ESF1: variants seen among roughly 807,000 people sequenced by gnomAD.
ESF1 encodes ESF1 nucleolar pre-rRNA processing protein.
A neutral mutation model predicts 92.0 loss-of-function variants in ESF1; 58 were observed. The observed-to-expected ratio is 0.63, with a 90% CI of 0.51 to 0.78. The LOEUF is 0.78. Ranked by LOEUF, ESF1 falls within the 30% of genes least tolerant of loss-of-function variation. The probability of loss-of-function intolerance (pLI) is 0.00; values close to 1 mark genes in which losing one functional copy is unlikely to be tolerated. For missense variants in ESF1, 922 were observed against 989.1 expected, an observed-to-expected ratio of 0.93 and a Z score of 0.91; for synonymous variants, 321 against 313.7, an observed-to-expected ratio of 1.02 and a Z score of -0.24.
At chr20:13,716,345 A>T (rs1391587781) in intron 13 of ESF1, among the ~76,000 whole-genome samples, 1 of 152,200 alleles carries the variant, frequency 6.6e-6, no homozygotes, top group Non-Finnish European at 1.5e-5. Flanking sequence ...AGCAACTGAA[A>T]AAACATGGCT....
At chr20:13,758,993 G>C (rs1448426539) in intron 9 of ESF1, among the ~76,000 whole-genome samples, 2 of 152,134 alleles carry the variant, frequency 1.3e-5, no homozygotes, top group African/African-American at 4.8e-5. Flanking sequence ...CACAGTAAGA[G>C]ATTAACAACA....
intron 2 of ESF1, among the ~76,000 whole-genome samples, chr20:13,781,663 C>G (rs1377675286): frequency 6.6e-6 from 1 of 152,192 alleles, no homozygotes; most frequent in Non-Finnish European, 1.5e-5. Context: ...AGTGTGACCC[C>G]TGGGAGCTCT....
At chr20:13,727,334 T>C (rs539091538) in intron 11 of ESF1, among the ~76,000 whole-genome samples, 18 of 152,326 alleles carry the variant, frequency 1.2e-4, no homozygotes, top group South Asian at 6.2e-4. Context: ...CATTCTATAA[T>C]AGACTTTATT....
At chr20:13,771,607 C>T (rs913741816) in intron 5 of ESF1, 124 bp from the exon 6 acceptor site, 7 of 711,314 alleles carry the variant, frequency 9.8e-6, no homozygotes, top group East Asian at 2.6e-5. Flanking sequence ...AACCATCTTT[C>T]CTTCATGACT....
chr20:13,717,625 GA>G, intron 12 of ESF1, 111 bp from the exon 13 acceptor site: 2 of 1,162,974 alleles, frequency 1.7e-6, no homozygotes, highest in East Asian at 4.8e-5. Flanking sequence ...TCAATCACTA[GA>G]ACTCTGGGGT....
intron 6 of ESF1, among the ~76,000 whole-genome samples, chr20:13,770,464 G>A (rs1979633179): frequency 6.6e-6 from 1 of 152,136 alleles, no homozygotes; most frequent in East Asian, 1.9e-4. Context: ...AACGGCCTGG[G>A]CTCAAGCGAT....
At chr20:13,781,043 G>A (rs1980162476) in intron 2 of ESF1, among the ~76,000 whole-genome samples, 1 of 152,160 alleles carries the variant, frequency 6.6e-6, no homozygotes, top group Admixed American at 6.5e-5. Flanking sequence ...CCCCAAAGTA[G>A]TGCGTCCCCT....
chr20:13,776,215 AC>A lies in ESF1; in HGVS notation c.692del (p.Gly231ValfsTer19). The A allele has an allele frequency of 6.2e-7, 1 of 1,613,634 alleles. No individual in the cohort carries two copies. Among genetic ancestry groups the A allele is most frequent in the Non-Finnish European group, 8.5e-7 (1 of 1,179,844 alleles). ...DSDGYENSTDGEMCDKDALEE... is the reference protein window; with the variant it reads ...DSDGYENSTDXEMCDKDALEE... ...CCAGAGCATCTTTGTCACACATTTC[AC>A]CATCTGTTGAGTTTTCATAACCATC... On this transcript the variant is annotated frameshift_variant, in exon 3 of 14. Transcript: ENST00000617257. LOFTEE classifies it high-confidence loss of function.
In ESF1 at chr20:13,772,525, CT is replaced by C. The variant is rs1979735218; in HGVS notation, c.1239del (p.Glu414LysfsTer10). On this transcript the variant is annotated frameshift_variant, in exon 5 of 14. Transcript: ENST00000617257. LOFTEE classifies it high-confidence loss of function. ...VELLSIPEDA[P>X]EKDWTSREKL... The stretch of plus-strand genomic sequence containing the variant: ...ATAGTGATTTAATACCAGTCTTTTT[CT>C]GGGGCATCTTCAGGAATACTTAATA... 6.2e-7 allele frequency: 1 copy of C among 1,609,282 alleles called. No homozygotes were observed. Among genetic ancestry groups the C allele is most frequent in the Admixed American group, 1.7e-5 (1 of 59,986 alleles).
Position 13,715,179 on chromosome 20 carries a change from A to T in ESF1, c.2263-12T>A. On this transcript the variant is annotated splice_polypyrimidine_tract_variant and intron_variant, in intron 13 of 13. Coordinates refer to ENST00000617257, the MANE Select transcript of ESF1 (RefSeq NM_001276380.2). ...TCGTTAACATTTACCTGCAAATCCA[A>T]AAAAAAAAAAAATTAATAAATTAAT... The T allele has an allele frequency of 8.5e-7, 1 of 1,177,654 alleles. No individual in the cohort carries two copies. Among genetic ancestry groups the T allele is most frequent in the Non-Finnish European group, 1.1e-6 (1 of 874,768 alleles). 73.0% of individuals were successfully genotyped at this position (1,177,654 alleles called of 1,614,324 possible).
intron 9 of ESF1, among the ~76,000 whole-genome samples, chr20:13,754,492 A>T (rs1486873164): frequency 3.3e-5 from 5 of 152,170 alleles, no homozygotes; most frequent in Non-Finnish European, 7.4e-5. Context: ...TATCTCTACC[A>T]GCCCTGTACT....
intron 11 of ESF1, among the ~76,000 whole-genome samples, chr20:13,720,414 T>C (rs2049860268): frequency 6.6e-6 from 1 of 152,236 alleles, no homozygotes; most frequent in South Asian, 2.1e-4. Flanking sequence ...TGATATAATA[T>C]GAAAGATAAG....
chr20:13,754,199 C>A (rs911932901), intron 9 of ESF1, among the ~76,000 whole-genome samples: 1 of 152,220 alleles, frequency 6.6e-6, no homozygotes, highest in Non-Finnish European at 1.5e-5. Context: ...GAGCTTCACA[C>A]TGCTAAATCC....
chr20:13,758,159 A>G (rs1238855679), intron 9 of ESF1, among the ~76,000 whole-genome samples: 1 of 152,210 alleles, frequency 6.6e-6, no homozygotes, highest in African/African-American at 2.4e-5. Flanking sequence ...TATTACGTTA[A>G]AATCTACCTT....
In ESF1 at chr20:13,720,047, T is replaced by A. The variant is rs915771650; in HGVS notation, c.2039-1063A>T. Among the ~76,000 whole-genome samples the A allele has an allele frequency of 2.6e-5, 4 of 152,188 alleles. No individual in the cohort carries two copies. The East Asian group carries it at 7.7e-4, about 29-fold the overall frequency. ...ATAACTTTGGGCTTCCTTGATACCGTGACTCCTGTAACTGGTAAAACAGGG... is the reference window on the plus strand; with the variant it reads ...ATAACTTTGGGCTTCCTTGATACCGAGACTCCTGTAACTGGTAAAACAGGG... On this transcript the variant is annotated intron_variant, in intron 11 of 13. Transcript: ENST00000617257.
At chr20:13,720,991 C>T (rs562103047) in intron 11 of ESF1, among the ~76,000 whole-genome samples, 89 of 152,234 alleles carry the variant, frequency 5.8e-4, no homozygotes, top group African/African-American at 2.0e-3. Flanking sequence ...AGCGTGGTGG[C>T]CAGCACCTGT....
intron 11 of ESF1, among the ~76,000 whole-genome samples, chr20:13,726,766 T>C (rs1208683415): frequency 6.6e-6 from 1 of 152,156 alleles, no homozygotes; most frequent in Non-Finnish European, 1.5e-5. Context: ...TAAACAAACA[T>C]GGCAAGACAC....
chr20:13,784,671 C>T (rs1439466940), intron 1 of ESF1, among the ~76,000 whole-genome samples: 5 of 152,054 alleles, frequency 3.3e-5, no homozygotes, highest in Non-Finnish European at 2.9e-5. Context: ...CGCAGGGGGG[C>T]AGCTAACAGA....
At chr20:13,742,422 G>A (rs561910530) in intron 9 of ESF1, among the ~76,000 whole-genome samples, 2 of 151,994 alleles carry the variant, frequency 1.3e-5, no homozygotes, top group African/African-American at 4.8e-5. Context: ...GCAGTGCTGA[G>A]ATCACGCCAT....
Sources: gnomAD v4.1 joint callset for allele counts (sites outside exome capture counted in the v4.1 genomes callset) on GRCh38, gnomAD v4.1.1 for gene constraint, MANE v1.5 for transcripts, NCBI Gene and HGNC (gene_info 2026-07-23, HGNC 2026-07-21) for gene names.